PACS1: variants seen among roughly 807,000 people sequenced by gnomAD.
PACS1 encodes the protein PACS-1.
Under a neutral mutation model 115.0 loss-of-function variants are expected in PACS1, and 24 were observed. That is an observed-to-expected ratio of 0.21 (90% confidence interval 0.15 to 0.29). PACS1 has a LOEUF of 0.29. Among genes scored for constraint, PACS1 ranks in the 10% least tolerant of loss-of-function variants. The pLI is 1.00. For missense variants in PACS1, 838 were observed against 1,251.2 expected (o/e 0.67, Z 4.98); for synonymous variants, 453 against 504.5 (o/e 0.90, Z 1.37).
chr11:66,076,103 A>G (rs1410490932), intron 1 of PACS1, among the ~76,000 whole-genome samples: 1 of 152,224 alleles, frequency 6.6e-6, no homozygotes, highest in African/African-American at 2.4e-5. Flanking sequence ...GAGTGTTGTA[A>G]TAGAATATCA....
At chr11:66,174,838 T>C (rs976689628) in intron 1 of PACS1, among the ~76,000 whole-genome samples, 3 of 152,070 alleles carry the variant, frequency 2.0e-5, no homozygotes, top group African/African-American at 7.2e-5. Flanking sequence ...TTGAAGAGCA[T>C]TGAATTGTAC....
intron 1 of PACS1, among the ~76,000 whole-genome samples, chr11:66,097,662 T>C (rs1437104030): frequency 2.0e-5 from 3 of 152,216 alleles, no homozygotes; most frequent in Non-Finnish European, 2.9e-5. Context: ...TTGCTAGTAT[T>C]ATTATGCTAC....
intron 1 of PACS1, among the ~76,000 whole-genome samples, chr11:66,187,976 T>C (rs527353478): frequency 6.6e-6 from 1 of 152,316 alleles, no homozygotes; most frequent in South Asian, 2.1e-4. Context: ...CCAGCATTTG[T>C]TATTTTTTGT....
intron 1 of PACS1, among the ~76,000 whole-genome samples, chr11:66,175,898 G>C (rs958463711): frequency 6.6e-6 from 1 of 152,070 alleles, no homozygotes; most frequent in South Asian, 2.1e-4. Flanking sequence ...TTCTCAGATT[G>C]AATTTTTTTC....
chr11:66,107,145 A>G (rs759297698), intron 1 of PACS1, among the ~76,000 whole-genome samples: 1 of 152,198 alleles, frequency 6.6e-6, no homozygotes. Context: ...CCCTGCGGAC[A>G]GCACCCTCCC....
chr11:66,235,395 G>A lies in PACS1; in HGVS notation c.2199G>A (p.Arg733=), dbSNP rs369077872. ...LPVAEAMLTC[R]HKFPDEDSYQ... is the part of the protein sequence containing the mutation. ...TGGCCGAAGCCATGCTGACTTGCCG[G>A]CATAAGTTGTAAGTTTGACTTTGAG... The change falls in exon 18 of 24, where the codon CGG becomes CGA. Residue 733 remains arginine, a synonymous_variant. Transcript: ENST00000320580. The surrounding 1 kb of genome is among the most constrained non-coding windows in gnomAD (Gnocchi z 5.6). 4.3e-6 allele frequency: 7 copies of A among 1,612,360 alleles called. No individual in the cohort carries two copies. Among genetic ancestry groups the A allele is most frequent in the Non-Finnish European group, 5.9e-6 (7 of 1,178,586 alleles).
chr11:66,241,947 C>T (rs559026014), intron 22 of PACS1, among the ~76,000 whole-genome samples: 65 of 152,342 alleles, frequency 4.3e-4, no homozygotes, highest in South Asian at 2.5e-3. Flanking sequence ...CTGGCCACTG[C>T]TGTCCGGGAT....
At position 66,216,134 on chromosome 11, in the gene PACS1, A is replaced by G; in HGVS notation, c.676A>G (p.Asn226Asp). 24 of 1,613,852 alleles carry G rather than the reference A, an allele frequency of 1.5e-5. No homozygotes were observed. The highest frequency in any genetic ancestry group is 2.0e-5 in the Non-Finnish European group (24 of 1,179,938). ...INMAEVMQHP[N>D]EGALVLGLHS... is the part of the protein sequence containing the mutation. ...TGGCTCCTAGGTGATGCAGCATCCT[A>G]ATGAAGGCGCACTGGTGCTTGGCCT... Residue 226 changes from asparagine (N) to aspartate (D), a missense_variant, in exon 5 of 24, where the codon AAT becomes GAT. Physicochemically the swap from Asn to Asp is conservative, Grantham distance 23. This residue lies in a region of PACS1 where 223 missense variants were observed against 354.0 expected (regional missense o/e 0.63). Transcript: ENST00000320580.
At chr11:66,204,689 A>G (rs962026280) in intron 2 of PACS1, among the ~76,000 whole-genome samples, 1 of 152,182 alleles carries the variant, frequency 6.6e-6, no homozygotes, top group Non-Finnish European at 1.5e-5. Flanking sequence ...GTTAAATGAA[A>G]TAAGCCAGGT....
At chr11:66,154,900 T>G (rs1256271366) in intron 1 of PACS1, among the ~76,000 whole-genome samples, 1 of 152,174 alleles carries the variant, frequency 6.6e-6, no homozygotes, top group Non-Finnish European at 1.5e-5. Flanking sequence ...AGGACTGACT[T>G]CTACAGCACC....
chr11:66,072,710 C>T (rs1857329918), intron 1 of PACS1, among the ~76,000 whole-genome samples: 1 of 152,182 alleles, frequency 6.6e-6, no homozygotes, highest in South Asian at 2.1e-4. Context: ...TATCCTAACC[C>T]ACCTCTTTCA....
chr11:66,126,067 A>T (rs1403709348), intron 1 of PACS1, among the ~76,000 whole-genome samples: 1 of 150,788 alleles, frequency 6.6e-6, no homozygotes, highest in Non-Finnish European at 1.5e-5. Flanking sequence ...AATGTGGGCA[A>T]CTCTAATACT....
intron 1 of PACS1, among the ~76,000 whole-genome samples, chr11:66,152,637 T>G (rs752368728): frequency 6.6e-6 from 1 of 152,206 alleles, no homozygotes; most frequent in African/African-American, 2.4e-5. Flanking sequence ...TTGCAGCTCA[T>G]GAGTGTGACG....
At chr11:66,216,919 C>T in intron 7 of PACS1, 144 bp downstream of exon 7, 1 of 638,862 alleles carries the variant, frequency 1.6e-6, no homozygotes, top group Non-Finnish European at 2.9e-6. Flanking sequence ...GCTCTATATC[C>T]TCACCACCGC....
chr11:66,095,679 A>AC (rs1202914696), intron 1 of PACS1, among the ~76,000 whole-genome samples: 1 of 152,212 alleles, frequency 6.6e-6, no homozygotes, highest in Non-Finnish European at 1.5e-5. Context: ...GATGGTCTCG[A>AC]ACTCCTGACC....
At chr11:66,175,802 C>T (rs1011890127) in intron 1 of PACS1, among the ~76,000 whole-genome samples, 3 of 152,198 alleles carry the variant, frequency 2.0e-5, no homozygotes, top group African/African-American at 7.2e-5. Flanking sequence ...ACCCAGAAAC[C>T]TGAGCGTCGT....
At chr11:66,193,700 A>C (rs1403348482) in intron 2 of PACS1, 127 bp downstream of exon 2, 4 of 622,356 alleles carry the variant, frequency 6.4e-6, no homozygotes, top group Non-Finnish European at 1.2e-5. Flanking sequence ...CAAGGTGCAC[A>C]GTGGAAAGAT....
chr11:66,202,726 G>GAAAAAAAA (rs55677222), intron 2 of PACS1, among the ~76,000 whole-genome samples: 5 of 10,958 alleles, frequency 4.6e-4, no homozygotes, highest in African/African-American at 1.2e-3. Context: ...TCATCTCTAG[G>GAAAAAAAA]AAAAAAAAAA....
intron 1 of PACS1, among the ~76,000 whole-genome samples, chr11:66,131,896 T>C (rs1349865402): frequency 6.6e-6 from 1 of 152,180 alleles, no homozygotes; most frequent in African/African-American, 2.4e-5. Flanking sequence ...TAGCCCCACC[T>C]AAATATCTAA....
Sources: gnomAD v4.1 joint callset for allele counts (sites outside exome capture counted in the v4.1 genomes callset) on GRCh38, gnomAD v4.1.1 for gene constraint, gnomAD v4.1.1 regional missense constraint, Gnocchi (gnomAD v3.1) non-coding constraint, MANE v1.5 for transcripts, NCBI Gene and HGNC (gene_info 2026-07-23, HGNC 2026-07-21) for gene names.